DENND6A: variants seen among roughly 807,000 people sequenced by gnomAD.
DENND6A encodes protein DENND6A.
A neutral mutation model predicts 95.5 loss-of-function variants in DENND6A; 43 were observed. The observed-to-expected ratio is 0.45, with a 90% CI of 0.35 to 0.58. The LOEUF is 0.58. DENND6A is among the 20% of genes least tolerant of loss of function. The pLI is 0.00. For synonymous variants in DENND6A, 257 were observed against 260.4 expected, an observed-to-expected ratio of 0.99 and a Z score of 0.13; for missense variants, 574 against 736.0, an observed-to-expected ratio of 0.78 and a Z score of 2.55.
chr3:57,663,590 T>C (rs776423186), intron 5 of DENND6A, 46 bp downstream of exon 5: 1 of 1,369,272 alleles, frequency 7.3e-7, no homozygotes, highest in East Asian at 2.4e-5. Flanking sequence ...ATTTTTCTAA[T>C]CACAAAATAA....
chr3:57,651,568 G>A (rs2071209915), intron 9 of DENND6A, among the ~76,000 whole-genome samples: 1 of 152,090 alleles, frequency 6.6e-6, no homozygotes, highest in African/African-American at 2.4e-5. Flanking sequence ...TGATGAAAAT[G>A]TTCTGGAATT....
At chr3:57,630,101 T>C (rs2070632698) in intron 18 of DENND6A, among the ~76,000 whole-genome samples, 1 of 152,186 alleles carries the variant, frequency 6.6e-6, no homozygotes, top group African/African-American at 2.4e-5. Context: ...TGTGAGCCAA[T>C]GCAAGTGGAC....
intron 1 of DENND6A, among the ~76,000 whole-genome samples, chr3:57,688,575 C>T (rs116491651): frequency 5.4e-4 from 82 of 152,040 alleles, no homozygotes; most frequent in African/African-American, 1.8e-3. Flanking sequence ...AAATTAGTAC[C>T]ATGGAAACCC....
chr3:57,655,198 C>T (rs2071300054), intron 9 of DENND6A, among the ~76,000 whole-genome samples: 1 of 152,146 alleles, frequency 6.6e-6, no homozygotes, highest in South Asian at 2.1e-4. Context: ...CCATGCCCAG[C>T]TAGTTTTTGT....
intron 1 of DENND6A, among the ~76,000 whole-genome samples, chr3:57,681,476 T>G (rs1416287973): frequency 6.6e-6 from 1 of 150,598 alleles, no homozygotes; most frequent in Non-Finnish European, 1.5e-5. Context: ...AAAAAAAAAT[T>G]AGGCAGGCAT....
At chr3:57,651,642 T>C (rs556846113) in intron 9 of DENND6A, among the ~76,000 whole-genome samples, 10 of 151,936 alleles carry the variant, frequency 6.6e-5, no homozygotes, top group South Asian at 4.2e-4. Context: ...CTTTAAAAGG[T>C]TGAATATTGT....
intron 11 of DENND6A, 24 bp downstream of exon 11, chr3:57,645,637 T>C: frequency 6.4e-7 from 1 of 1,555,106 alleles, no homozygotes; most frequent in Non-Finnish European, 8.8e-7. Flanking sequence ...TAATACCTGG[T>C]CAATAGAAGT....
chr3:57,690,435 C>G (rs942463885), intron 1 of DENND6A, among the ~76,000 whole-genome samples: 1 of 151,708 alleles, frequency 6.6e-6, no homozygotes, highest in African/African-American at 2.4e-5. Flanking sequence ...ACCTGGGAGG[C>G]GGAGCTTGCA....
intron 1 of DENND6A, among the ~76,000 whole-genome samples, chr3:57,672,775 C>A (rs2071639442): frequency 6.7e-6 from 1 of 148,866 alleles, no homozygotes; most frequent in African/African-American, 2.5e-5. Flanking sequence ...AGAGCAAGAC[C>A]CCGTCTCAAA....
rs1358195600 is a variant in DENND6A, at chr3:57,655,580, C to G, written c.818+2100G>C. ...TTATGACCTCAAGGTAAGTCAAAGT[C>G]AAAATGCAATCAAAATTTAGTTGCA... On this transcript the variant is annotated intron_variant, in intron 9 of 19. Coordinates refer to ENST00000311128, the MANE Select transcript of DENND6A (RefSeq NM_152678.3). Among the ~76,000 whole-genome samples, 3 of 152,068 alleles carry G rather than the reference C, an allele frequency of 2.0e-5. No homozygotes were observed. In the East Asian group the frequency reaches 5.8e-4, roughly 29 times the overall value.
At chr3:57,673,071 G>T (rs1351469007) in intron 1 of DENND6A, among the ~76,000 whole-genome samples, 1 of 150,922 alleles carries the variant, frequency 6.6e-6, no homozygotes, top group Non-Finnish European at 1.5e-5. Context: ...AAAATTAGCT[G>T]GGTGTGGTGG....
chr3:57,633,452 C>T (rs1448206643), intron 14 of DENND6A, 98 bp from the exon 15 acceptor site: 9 of 981,866 alleles, frequency 9.2e-6, no homozygotes, highest in Non-Finnish European at 1.2e-5. Context: ...TACATTTATA[C>T]TTGATATTTA....
At chr3:57,652,354 G>A (rs1469591752) in intron 9 of DENND6A, among the ~76,000 whole-genome samples, 1 of 152,186 alleles carries the variant, frequency 6.6e-6, no homozygotes, top group Admixed American at 6.5e-5. Context: ...CAGCCACAGA[G>A]AACTGCGATC....
chr3:57,661,663 G>A, intron 5 of DENND6A, 112 bp from the exon 6 acceptor site: 1 of 803,752 alleles, frequency 1.2e-6, no homozygotes, highest in Admixed American at 3.6e-5. Flanking sequence ...AAAATAAAAA[G>A]GCTTTTACAG....
intron 9 of DENND6A, among the ~76,000 whole-genome samples, chr3:57,652,380 C>A (rs1449344775): frequency 6.6e-6 from 1 of 152,102 alleles, no homozygotes; most frequent in Non-Finnish European, 1.5e-5. Context: ...CCAAGCTGTG[C>A]GAGTAAGCCT....
At chr3:57,666,672 T>TA (rs559269827) in intron 3 of DENND6A, among the ~76,000 whole-genome samples, 64 of 151,942 alleles carry the variant, frequency 4.2e-4, no homozygotes, top group Non-Finnish European at 7.2e-4. Context: ...GATAAAAGTA[T>TA]AAAAAAAAGA....
intron 12 of DENND6A, among the ~76,000 whole-genome samples, chr3:57,638,420 G>A (rs1358807845): frequency 6.6e-6 from 1 of 151,848 alleles, no homozygotes; most frequent in Non-Finnish European, 1.5e-5. Flanking sequence ...CACTTTGGGA[G>A]GCCAAGGCGG....
chr3:57,676,737 TTAAG>T (rs2071715730), intron 1 of DENND6A, among the ~76,000 whole-genome samples: 1 of 152,202 alleles, frequency 6.6e-6, no homozygotes, highest in Non-Finnish European at 1.5e-5. Flanking sequence ...AAACAATGAA[TTAAG>T]TTTTTGTAGA....
intron 4 of DENND6A, among the ~76,000 whole-genome samples, chr3:57,664,537 G>A (rs137867662): frequency 6.6e-6 from 1 of 152,210 alleles, no homozygotes; most frequent in Non-Finnish European, 1.5e-5. Flanking sequence ...GGAGGGATAA[G>A]AAAGGAGAAA....
Sources: allele counts gnomAD v4.1 joint callset (sites outside exome capture counted in the v4.1 genomes callset), GRCh38; gene constraint gnomAD v4.1.1; transcripts MANE v1.5; gene names NCBI Gene and HGNC (gene_info 2026-07-23, HGNC 2026-07-21).